Variants in GNG12 observed in about 807,000 individuals in gnomAD.
The protein encoded by GNG12 is G protein subunit gamma 12.
For missense variants in GNG12, 69 were observed against 83.8 expected (o/e 0.82, Z 0.69); for synonymous variants, 28 against 29.7 (o/e 0.94, Z 0.19).
At chr1:67,717,875 G>A (rs558505207) in intron 2 of GNG12, among the ~76,000 whole-genome samples, 1 of 152,260 alleles carries the variant, frequency 6.6e-6, no homozygotes, top group Admixed American at 6.5e-5. Flanking sequence ...TTCAAATCCC[G>A]GCTCATCACT....
At chr1:67,793,027 C>T (rs938671170) in intron 1 of GNG12, among the ~76,000 whole-genome samples, 1 of 152,196 alleles carries the variant, frequency 6.6e-6, no homozygotes, top group Non-Finnish European at 1.5e-5. Context: ...TACCACCCCA[C>T]AGAGACCAAT....
rs145775285 is a variant in GNG12 at position 67,753,428 on chromosome 1, G to C, written c.-27+24030C>G. 4.2e-3 allele frequency among the ~76,000 whole-genome samples: 633 copies of C among 151,678 alleles called. 6 individuals are homozygous for C. The highest frequency in any genetic ancestry group is 0.015 in the African/African-American group (607 of 41,414). ...GATAAGCGATTCTCAATCTGTACTT[G>C]CTGAGTTTCAATTCATGCCCTACAG... On this transcript the variant is annotated intron_variant, in intron 2 of 3. Coordinates refer to ENST00000370982, the MANE Select transcript of GNG12 (RefSeq NM_018841.6).
At chr1:67,724,236 C>A (rs1051194249) in intron 2 of GNG12, among the ~76,000 whole-genome samples, 1 of 151,966 alleles carries the variant, frequency 6.6e-6, no homozygotes, top group Non-Finnish European at 1.5e-5. Flanking sequence ...CTCAGGACTG[C>A]GCTCAGAAAT....
chr1:67,743,920 T>G (rs1646495595), intron 2 of GNG12, among the ~76,000 whole-genome samples: 1 of 152,218 alleles, frequency 6.6e-6, no homozygotes, highest in African/African-American at 2.4e-5. Flanking sequence ...GGTATTTATT[T>G]GTCAGTGAAG....
intron 2 of GNG12, among the ~76,000 whole-genome samples, chr1:67,769,026 C>A (rs1646657728): frequency 6.6e-6 from 1 of 152,132 alleles, no homozygotes; most frequent in Non-Finnish European, 1.5e-5. Context: ...TCTTTGTAAG[C>A]AGCCAGTAAA....
At chr1:67,824,908 G>A (rs1257314969) in intron 1 of GNG12, among the ~76,000 whole-genome samples, 2 of 143,782 alleles carry the variant, frequency 1.4e-5, no homozygotes, top group South Asian at 2.3e-4. Flanking sequence ...CTGAGCCCCC[G>A]GATATTTATT....
At chr1:67,709,776 A>C (rs997229871) in intron 2 of GNG12, among the ~76,000 whole-genome samples, 1 of 143,558 alleles carries the variant, frequency 7.0e-6, no homozygotes, top group African/African-American at 2.6e-5. Flanking sequence ...CTCACCCTGA[A>C]CAGTGTGCAG....
At chr1:67,773,583 A>C (rs1299485673) in intron 2 of GNG12, among the ~76,000 whole-genome samples, 1 of 152,206 alleles carries the variant, frequency 6.6e-6, no homozygotes, top group Non-Finnish European at 1.5e-5. Context: ...CATGGGGCTC[A>C]AAAGAGAAGG....
chr1:67,715,006 T>TC (rs1646317190), intron 2 of GNG12, among the ~76,000 whole-genome samples: 1 of 152,168 alleles, frequency 6.6e-6, no homozygotes, highest in Non-Finnish European at 1.5e-5. Flanking sequence ...CACTGCAGCC[T>TC]CCACCTATTT....
At chr1:67,718,208 A>G (rs1015232446) in intron 2 of GNG12, among the ~76,000 whole-genome samples, 21 of 152,144 alleles carry the variant, frequency 1.4e-4, no homozygotes, top group African/African-American at 5.1e-4. Context: ...GTAAAACCCA[A>G]TGAAACACCA....
Position 67,758,998 on chromosome 1 carries a change from T to G in GNG12, c.-27+18460A>C, listed in dbSNP as rs186342215. ...TAGAAAAATTAGAGTCAACAACAAT[T>G]TATTGTATATTTCAAAACAGCTAAA... On this transcript the variant is annotated intron_variant, in intron 2 of 3. Transcript: ENST00000370982. Among the ~76,000 whole-genome samples, 180 of 152,162 alleles carry G rather than the reference T, an allele frequency of 1.2e-3. 1 individual carries two copies. Among genetic ancestry groups the G allele is most frequent in the African/African-American group, 4.2e-3 (174 of 41,506 alleles).
At chr1:67,782,497 G>T (rs1570544226) in intron 1 of GNG12, among the ~76,000 whole-genome samples, 2 of 152,228 alleles carry the variant, frequency 1.3e-5, no homozygotes, top group East Asian at 3.9e-4. Context: ...GCTGGTCTAA[G>T]CTGTTCATCA....
chr1:67,822,495 T>G (rs1359259512), intron 1 of GNG12, among the ~76,000 whole-genome samples: 1 of 152,180 alleles, frequency 6.6e-6, no homozygotes. Flanking sequence ...TGAGGTAGGT[T>G]AATATAACAA....
At chr1:67,748,951 C>A (rs1379083601) in intron 2 of GNG12, among the ~76,000 whole-genome samples, 4 of 151,712 alleles carry the variant, frequency 2.6e-5, no homozygotes, top group Admixed American at 2.6e-4. Flanking sequence ...TTCGGTTGGC[C>A]AACTCAACAC....
At chr1:67,751,837 T>C (rs1217136821) in intron 2 of GNG12, among the ~76,000 whole-genome samples, 1 of 152,240 alleles carries the variant, frequency 6.6e-6, no homozygotes, top group African/African-American at 2.4e-5. Flanking sequence ...TCAAGACTAA[T>C]GTGCTGAACA....
At chr1:67,723,172 C>T (rs903317452) in intron 2 of GNG12, among the ~76,000 whole-genome samples, 8 of 152,130 alleles carry the variant, frequency 5.3e-5, no homozygotes, top group Non-Finnish European at 2.9e-5. Context: ...GAATAAGACT[C>T]CATTCTTGGG....
chr1:67,724,277 T>C (rs545594798), intron 2 of GNG12, among the ~76,000 whole-genome samples: 7 of 152,042 alleles, frequency 4.6e-5, no homozygotes, highest in Non-Finnish European at 8.8e-5. Context: ...AAACCAGAAC[T>C]GGAGGATACA....
intron 2 of GNG12, among the ~76,000 whole-genome samples, chr1:67,768,491 G>C (rs1646654329): frequency 1.3e-5 from 2 of 152,112 alleles, no homozygotes; most frequent in African/African-American, 4.8e-5. Context: ...GAGGAATGGG[G>C]CTAGTTTTTT....
At chr1:67,745,650 C>T (rs1646503496) in intron 2 of GNG12, among the ~76,000 whole-genome samples, 1 of 152,178 alleles carries the variant, frequency 6.6e-6, no homozygotes, top group South Asian at 2.1e-4. Context: ...AACATTAGAG[C>T]CCCTTTGCAA....
Sources: allele counts gnomAD v4.1 joint callset (sites outside exome capture counted in the v4.1 genomes callset), GRCh38; gene constraint gnomAD v4.1.1; transcripts MANE v1.5; gene names NCBI Gene and HGNC (gene_info 2026-07-23, HGNC 2026-07-21).